The following GALNT13 variants were observed in gnomAD, a reference collection of about 807,000 sequenced individuals.
The protein encoded by GALNT13 is polypeptide N-acetylgalactosaminyltransferase 13.
GALNT13 carries 28 observed loss-of-function variants against 64.2 expected under a neutral mutation model. The ratio of observed to expected loss-of-function variants is 0.44; its 90% CI spans 0.32 to 0.60. The LOEUF (loss-of-function observed/expected upper bound fraction) is 0.60. Ranked by LOEUF, GALNT13 falls within the 20% of genes least tolerant of loss-of-function variation. The pLI, the probability that GALNT13 is intolerant of heterozygous loss-of-function variation, is 0.05. For synonymous variants in GALNT13, 214 were observed against 224.6 expected (o/e 0.95, Z 0.42); for missense variants, 577 against 669.8 (o/e 0.86, Z 1.53).
intron 3 of GALNT13, among the ~76,000 whole-genome samples, chr2:153,965,751 T>C (rs1180083813): frequency 6.6e-6 from 1 of 150,556 alleles, no homozygotes; most frequent in Admixed American, 6.6e-5. Flanking sequence ...TCAATGATTT[T>C]AAAGCAATGA....
chr2:153,981,142 A>T (rs1574258265), intron 3 of GALNT13, among the ~76,000 whole-genome samples: 1 of 152,164 alleles, frequency 6.6e-6, no homozygotes, highest in Non-Finnish European at 1.5e-5. Flanking sequence ...TTTAAAGACT[A>T]AATACTAGAT....
chr2:153,478,810 C>T, the GALNT13 span: 8 of 449,748 alleles, frequency 1.8e-5, no homozygotes, highest in Admixed American at 8.5e-5. Context: ...GGCGCTCGCT[C>T]GAGGGGGGGC....
chr2:153,485,599 T>G, the GALNT13 span, among the ~76,000 whole-genome samples: 1 of 152,264 alleles, frequency 6.6e-6, no homozygotes, highest in Non-Finnish European at 1.5e-5. Context: ...TCTTTTTCTT[T>G]ACAAAGGAAA....
the GALNT13 span, among the ~76,000 whole-genome samples, chr2:153,754,808 C>G: frequency 6.6e-6 from 1 of 152,196 alleles, no homozygotes; most frequent in East Asian, 1.9e-4. Flanking sequence ...ATCAGAGCCC[C>G]GGAGGAGAGC....
At chr2:153,762,109 A>G in the GALNT13 span, 1 of 152,256 alleles carries the variant, frequency 6.6e-6, no homozygotes, top group Non-Finnish European at 1.5e-5. Context: ...GTGGCACTCC[A>G]TGCATACATA....
the GALNT13 span, among the ~76,000 whole-genome samples, chr2:153,584,904 C>A: frequency 3.4e-4 from 51 of 152,222 alleles, no homozygotes; most frequent in South Asian, 1.2e-3. Flanking sequence ...AGGCCCTTAC[C>A]CAATCAACAT....
chr2:153,915,579 T>G (rs1408573231), intron 2 of GALNT13, among the ~76,000 whole-genome samples: 7 of 152,176 alleles, frequency 4.6e-5, no homozygotes, highest in Non-Finnish European at 8.8e-5. Flanking sequence ...CCTCTGAAAT[T>G]TTGTTCATCT....
chr2:153,768,680 C>G, the GALNT13 span, among the ~76,000 whole-genome samples: 1 of 152,212 alleles, frequency 6.6e-6, no homozygotes, highest in East Asian at 1.9e-4. Flanking sequence ...CTGGCTAACA[C>G]ACGGTGAAAC....
chr2:153,480,114 A>G, the GALNT13 span, among the ~76,000 whole-genome samples: 2 of 152,238 alleles, frequency 1.3e-5, no homozygotes, highest in Non-Finnish European at 2.9e-5. Context: ...ATGTGTATCA[A>G]AATATCACTT....
At chr2:153,998,071 C>A (rs912040146) in intron 3 of GALNT13, among the ~76,000 whole-genome samples, 2 of 151,968 alleles carry the variant, frequency 1.3e-5, no homozygotes, top group Non-Finnish European at 2.9e-5. Flanking sequence ...GGTTCTAAGT[C>A]TTTGCTATTG....
At chr2:153,206,204 A>G in the GALNT13 span, among the ~76,000 whole-genome samples, 1 of 152,108 alleles carries the variant, frequency 6.6e-6, no homozygotes, top group African/African-American at 2.4e-5. Context: ...GTTTGTTGTG[A>G]TATTTAGACA....
the GALNT13 span, among the ~76,000 whole-genome samples, chr2:153,840,572 A>G: frequency 6.6e-6 from 1 of 152,176 alleles, no homozygotes; most frequent in Non-Finnish European, 1.5e-5. Flanking sequence ...CCTGGCAGAA[A>G]AAAAGATGGC....
the GALNT13 span, among the ~76,000 whole-genome samples, chr2:153,402,156 G>A: frequency 1.4e-5 from 2 of 144,332 alleles, no homozygotes; most frequent in Non-Finnish European, 3.0e-5. Flanking sequence ...TTGCTTGTCT[G>A]TAAAGTATTT....
intron 11 of GALNT13, among the ~76,000 whole-genome samples, chr2:154,419,330 A>G (rs1700154191): frequency 6.6e-6 from 1 of 152,122 alleles, no homozygotes; most frequent in Admixed American, 6.6e-5. Context: ...TCTTTCCCTG[A>G]CAAGAGTTAC....
At chr2:153,761,918 C>A in the GALNT13 span, 1 of 177,830 alleles carries the variant, frequency 5.6e-6, no homozygotes, top group South Asian at 1.4e-4. Flanking sequence ...TCATCTAACT[C>A]AATGATAATA....
intron 9 of GALNT13, among the ~76,000 whole-genome samples, chr2:154,368,550 A>G (rs1465037848): frequency 2.6e-5 from 4 of 152,172 alleles, no homozygotes; most frequent in African/African-American, 9.7e-5. Flanking sequence ...GTGCACAGGC[A>G]GGGAGGTGGG....
At chr2:154,027,087 G>T (rs763873890) in intron 3 of GALNT13, among the ~76,000 whole-genome samples, 1 of 152,212 alleles carries the variant, frequency 6.6e-6, no homozygotes, top group South Asian at 2.1e-4. Flanking sequence ...AGATTCAAAA[G>T]TATTAAATGA....
chr2:154,440,143 TTGTTAC>T (rs1307661231), intron 12 of GALNT13, among the ~76,000 whole-genome samples: 2 of 152,164 alleles, frequency 1.3e-5, no homozygotes, highest in African/African-American at 4.8e-5. Context: ...GTTCTTCTTG[TTGTTAC>T]TGTTCCGTTT....
the GALNT13 span, among the ~76,000 whole-genome samples, chr2:153,524,499 C>T: frequency 0.091 from 13,778 of 152,110 alleles, 675 homozygotes; most frequent in Middle Eastern, 0.15. Context: ...GAAAGAGACA[C>T]TGAAGAGGTA....
Sources: gnomAD v4.1 joint callset for allele counts (sites outside exome capture counted in the v4.1 genomes callset) on GRCh38, gnomAD v4.1.1 for gene constraint, MANE v1.5 for transcripts, NCBI Gene and HGNC (gene_info 2026-07-23, HGNC 2026-07-21) for gene names.